TAFA5: variants seen among roughly 807,000 people sequenced by gnomAD.
TAFA5 encodes the protein chemokine-like protein TAFA-5.
TAFA5 carries 6 observed loss-of-function variants against 15.3 expected under a neutral mutation model. The ratio of observed to expected loss-of-function variants is 0.39; its 90% CI spans 0.21 to 0.77. The LOEUF (loss-of-function observed/expected upper bound fraction) is 0.77. TAFA5 is among the 30% of genes least tolerant of loss of function. The pLI is 0.41. For missense variants in TAFA5, 161 were observed against 193.1 expected (o/e 0.83, Z 0.98); for synonymous variants, 103 against 80.7 (o/e 1.28, Z -1.48).
At chr22:48,586,376 G>C (rs149888482) in intron 1 of TAFA5, among the ~76,000 whole-genome samples, 1 of 152,242 alleles carries the variant, frequency 6.6e-6, no homozygotes, top group Non-Finnish European at 1.5e-5. Context: ...CCTTTGGGAC[G>C]AGGAAGCCCC....
intron 1 of TAFA5, among the ~76,000 whole-genome samples, chr22:48,583,421 A>G (rs1177101505): frequency 6.7e-6 from 1 of 150,316 alleles, no homozygotes; most frequent in Non-Finnish European, 1.5e-5. Context: ...TACGCCACAC[A>G]CACACCACAC....
At chr22:48,567,703 G>A (rs923630887) in intron 1 of TAFA5, among the ~76,000 whole-genome samples, 8 of 152,128 alleles carry the variant, frequency 5.3e-5, no homozygotes, top group Admixed American at 1.3e-4. Flanking sequence ...AAGCTCCTCC[G>A]GGTGAGCTCG....
rs929102804 is a variant in TAFA5, at chr22:48,675,214, C to A, written c.262+28468C>A. Among the ~76,000 whole-genome samples the A allele has an allele frequency of 2.0e-5, 3 of 152,196 alleles. No individual in the cohort carries two copies. The East Asian group carries it at 5.8e-4, about 29-fold the overall frequency. The stretch of plus-strand genomic sequence containing the variant: ...ACCTCGGCCTCCGAAGCTCTGTGGC[C>A]TTTTAAGAAAAAGTTTGCCAATGAC... On this transcript the variant is annotated intron_variant, in intron 2 of 3. Coordinates refer to ENST00000402357, the MANE Select transcript of TAFA5 (RefSeq NM_001082967.3).
intron 3 of TAFA5, among the ~76,000 whole-genome samples, chr22:48,747,064 A>G (rs545264235): frequency 6.6e-6 from 1 of 152,274 alleles, no homozygotes; most frequent in South Asian, 2.1e-4. Flanking sequence ...AGGGGAGTGG[A>G]CACCATGAGC....
intron 1 of TAFA5, among the ~76,000 whole-genome samples, chr22:48,608,967 C>G (rs67466032): frequency 0.071 from 10,847 of 152,268 alleles, 438 homozygotes; most frequent in South Asian, 0.18. Flanking sequence ...ATTGGACATT[C>G]CTGAGGAGTG....
intron 2 of TAFA5, chr22:48,693,324 G>A: frequency 6.2e-7 from 1 of 1,611,734 alleles, no homozygotes; most frequent in Admixed American, 1.7e-5. Context: ...TTGAAAGGAA[G>A]AGGGAAAAAC....
chr22:48,671,452 T>A (rs898829008), intron 2 of TAFA5, among the ~76,000 whole-genome samples: 60 of 152,270 alleles, frequency 3.9e-4, no homozygotes, highest in African/African-American at 1.3e-3. Context: ...CTGGGGTACG[T>A]TCCACTCTCT....
At chr22:48,670,506 CG>C (rs1174455083) in intron 2 of TAFA5, among the ~76,000 whole-genome samples, 2 of 152,230 alleles carry the variant, frequency 1.3e-5, no homozygotes, top group Non-Finnish European at 2.9e-5. Context: ...GGAGAGCTGC[CG>C]GCTGGGCTCA....
chr22:48,542,618 G>A (rs1337934703), intron 1 of TAFA5, among the ~76,000 whole-genome samples: 3 of 102,178 alleles, frequency 2.9e-5, no homozygotes, highest in Non-Finnish European at 6.0e-5. Flanking sequence ...TGGTGTGTGT[G>A]TGGTGTGTGT....
chr22:48,664,456 G>A (rs946043933), intron 2 of TAFA5, among the ~76,000 whole-genome samples: 1 of 152,196 alleles, frequency 6.6e-6, no homozygotes, highest in African/African-American at 2.4e-5. Context: ...GACATATTCT[G>A]AAGAGATTGC....
chr22:48,502,694 G>A (rs1233136154), intron 1 of TAFA5, among the ~76,000 whole-genome samples: 1 of 151,868 alleles, frequency 6.6e-6, no homozygotes, highest in South Asian at 2.1e-4. Flanking sequence ...GCTAATTTTT[G>A]TATTTTTAGA....
At chr22:48,704,520 C>G (rs1323054138) in intron 2 of TAFA5, among the ~76,000 whole-genome samples, 1 of 152,162 alleles carries the variant, frequency 6.6e-6, no homozygotes, top group African/African-American at 2.4e-5. Flanking sequence ...AGCGCTGTCC[C>G]TCGGGGTTGG....
intron 2 of TAFA5, among the ~76,000 whole-genome samples, chr22:48,690,508 A>G (rs967074778): frequency 1.3e-5 from 2 of 152,090 alleles, no homozygotes; most frequent in African/African-American, 4.8e-5. Flanking sequence ...GCCCTCCCAC[A>G]GGCTTACAGT....
rs921594456 is a variant in TAFA5 at position 48,530,263 on chromosome 22, G to A, written c.112+40559G>A. Among the ~76,000 whole-genome samples, 1 of 152,130 alleles carries A rather than the reference G, an allele frequency of 6.6e-6. No individual in the cohort carries two copies. The highest frequency in any genetic ancestry group is 1.5e-5 in the Non-Finnish European group (1 of 68,028). ...CCTCCTGTGACATCCGAGCATGGTC[G>A]TCTGACAAATGGGGCATCAGGAGTC... On this transcript the variant is annotated intron_variant, in intron 1 of 3. Coordinates refer to ENST00000402357, the MANE Select transcript of TAFA5 (RefSeq NM_001082967.3). The surrounding 1 kb of genome is among the most constrained non-coding windows in gnomAD (Gnocchi z 6.0).
chr22:48,620,969 C>A, intron 1 of TAFA5, among the ~76,000 whole-genome samples: 1 of 139,670 alleles, frequency 7.2e-6, no homozygotes, highest in African/African-American at 2.8e-5. Context: ...ATCCACCTAT[C>A]CTATTCATCC....
intron 2 of TAFA5, among the ~76,000 whole-genome samples, chr22:48,689,012 G>A (rs5771953): frequency 0.56 from 70,321 of 125,566 alleles, 19,312 homozygotes; most frequent in Middle Eastern, 0.66. Context: ...AAAAAAAAAA[G>A]AGAGAGAAAA....
chr22:48,558,987 G>A (rs1923134999), intron 1 of TAFA5, among the ~76,000 whole-genome samples: 1 of 152,234 alleles, frequency 6.6e-6, no homozygotes. Flanking sequence ...CCAGGGCGAT[G>A]GCATTTGGAG....
intron 1 of TAFA5, among the ~76,000 whole-genome samples, chr22:48,646,056 G>C (rs1491001790): frequency 6.6e-6 from 1 of 152,164 alleles, no homozygotes; most frequent in Non-Finnish European, 1.5e-5. Context: ...TCGTTCCTCT[G>C]TACCCAGGCA....
chr22:48,512,975 G>T lies in TAFA5; in HGVS notation c.112+23271G>T, dbSNP rs538498093. On this transcript the variant is annotated intron_variant, in intron 1 of 3. Transcript: ENST00000402357. ...AGAGAGAGAGACTAACTGAAAAGAA[G>T]AGGAAAGTAACAACATTTGAAATAA... is the stretch of plus-strand genomic sequence containing the variant. 3.3e-5 allele frequency among the ~76,000 whole-genome samples: 5 copies of T among 149,830 alleles called. No individual in the cohort carries two copies. In the East Asian group the frequency reaches 9.8e-4, roughly 29 times the overall value.
Sources: allele counts gnomAD v4.1 joint callset (sites outside exome capture counted in the v4.1 genomes callset), GRCh38; gene constraint gnomAD v4.1.1; non-coding constraint Gnocchi (gnomAD v3.1); transcripts MANE v1.5; gene names NCBI Gene and HGNC (gene_info 2026-07-23, HGNC 2026-07-21).